The following ADAMTSL1 variants were observed in gnomAD, a reference collection of about 807,000 sequenced individuals.
The protein encoded by ADAMTSL1 is ADAMTS-like protein 1.
ADAMTSL1 carries 126 observed loss-of-function variants against 201.8 expected under a neutral mutation model. The observed-to-expected ratio is 0.62, with a 90% CI of 0.54 to 0.72. ADAMTSL1 has a LOEUF of 0.72. Among genes scored for constraint, ADAMTSL1 ranks in the 30% least tolerant of loss-of-function variants. The probability of loss-of-function intolerance (pLI) is 0.00; values close to 1 mark genes in which losing one functional copy is unlikely to be tolerated. For synonymous variants in ADAMTSL1, 1,121 were observed against 903.4 expected (o/e 1.24, Z -4.32); for missense variants, 2,679 against 2,277.8 (o/e 1.18, Z -3.59).
chr9:18,279,510 T>G lies in ADAMTSL1; in HGVS notation c.207+115529T>G, dbSNP rs113861103. 5.0e-3 allele frequency among the ~76,000 whole-genome samples: 754 copies of G among 152,070 alleles called. 7 individuals carry two copies. Among genetic ancestry groups the G allele is most frequent in the African/African-American group, 0.017 (726 of 41,506 alleles). ...TGACCTTGCTTTTGTGTCTGTTCAT[T>G]TGAAAAAGCAGGCACTTCTTCTATT... On this transcript the variant is annotated intron_variant, in intron 2 of 29. Transcript: ENST00000680146.
At chr9:18,762,314 G>A (rs866006352) in intron 16 of ADAMTSL1, among the ~76,000 whole-genome samples, 1 of 152,086 alleles carries the variant, frequency 6.6e-6, no homozygotes, top group African/African-American at 2.4e-5. Context: ...ATGCAGAGGG[G>A]TTGGAGGAGG....
chr9:18,052,114 C>G (rs1821966068), intron 1 of ADAMTSL1, among the ~76,000 whole-genome samples: 1 of 152,190 alleles, frequency 6.6e-6, no homozygotes, highest in Admixed American at 6.5e-5. Flanking sequence ...CAGTCTTCAC[C>G]TTCACCTTGT....
rs1195941941 is a variant in ADAMTSL1 at position 18,908,763 on chromosome 9, A to G, written c.*215A>G. On this transcript the variant is annotated 3_prime_UTR_variant, in exon 29 of 29. Transcript: ENST00000380548. ...GGAGGACAGGATGTTGGGAAAGGAA[A>G]GGACAGATGTCTAAAGGAGGTTGCA... 2.2e-5 allele frequency: 11 copies of G among 507,338 alleles called. No homozygotes were observed. The highest frequency in any genetic ancestry group is 2.1e-4 in the African/African-American group (11 of 51,176). The allele number at this position is 507,338 out of a possible 1,614,324, so 31.4% of individuals were successfully genotyped here.
intron 2 of ADAMTSL1, among the ~76,000 whole-genome samples, chr9:18,236,592 A>T (rs190900611): frequency 1.1e-3 from 163 of 152,314 alleles, no homozygotes; most frequent in African/African-American, 3.7e-3. Flanking sequence ...TTGGGGGAAA[A>T]TTCCATTCAG....
At chr9:18,727,418 G>A (rs1419438531) in intron 15 of ADAMTSL1, among the ~76,000 whole-genome samples, 1 of 152,250 alleles carries the variant, frequency 6.6e-6, no homozygotes, top group Non-Finnish European at 1.5e-5. Flanking sequence ...CGCCTTTGAA[G>A]AGTTAATGCT....
intron 4 of ADAMTSL1, among the ~76,000 whole-genome samples, chr9:18,577,986 C>CTTT (rs71304880): frequency 1.4e-5 from 2 of 142,390 alleles, no homozygotes; most frequent in African/African-American, 2.6e-5. Flanking sequence ...TTACTTTTCT[C>CTTT]TTTTTTTTTT....
intron 17 of ADAMTSL1, among the ~76,000 whole-genome samples, chr9:18,771,813 G>A (rs1405248668): frequency 3.4e-5 from 5 of 145,268 alleles, no homozygotes; most frequent in South Asian, 2.3e-4. Flanking sequence ...AGGGCAAAGC[G>A]GCCTGTGAAA....
chr9:18,777,913 C>A lies in ADAMTSL1; in HGVS notation c.3677+7C>A. ...AAGTTCAGTTCAGTGACAGGTGAGCCTTGTAGCTAACCTGGTCTTGGGAGG... is the reference window on the plus strand; with the variant it reads ...AAGTTCAGTTCAGTGACAGGTGAGCATTGTAGCTAACCTGGTCTTGGGAGG... On this transcript the variant is annotated splice_region_variant and intron_variant, in intron 19 of 28. Transcript: ENST00000380548. 1 of 1,531,506 alleles carries A rather than the reference C, an allele frequency of 6.5e-7. No individual in the cohort carries two copies. Among genetic ancestry groups the A allele is most frequent in the South Asian group, 1.3e-5 (1 of 77,752 alleles). 94.9% of individuals were successfully genotyped at this position (1,531,506 alleles called of 1,614,324 possible).
chr9:18,075,044 C>T (rs1322414220), intron 1 of ADAMTSL1, among the ~76,000 whole-genome samples: 2 of 151,998 alleles, frequency 1.3e-5, no homozygotes, highest in Non-Finnish European at 2.9e-5. Flanking sequence ...CCCTCTTGCC[C>T]TCCCTCACTC....
At chr9:18,307,953 G>A (rs986077130) in intron 2 of ADAMTSL1, among the ~76,000 whole-genome samples, 8 of 151,968 alleles carry the variant, frequency 5.3e-5, no homozygotes, top group Non-Finnish European at 1.2e-4. Context: ...AAGTAAAACA[G>A]TCCTCAGCAA....
chr9:17,940,637 A>G (rs1295887646), intron 1 of ADAMTSL1, among the ~76,000 whole-genome samples: 1 of 151,460 alleles, frequency 6.6e-6, no homozygotes, highest in Non-Finnish European at 1.5e-5. Flanking sequence ...GGGGGTTTGC[A>G]TTATAAATAA....
rs1463485305 is a variant in ADAMTSL1, at chr9:17,940,725, A to G, written c.87+33803A>G. 3.6e-3 allele frequency among the ~76,000 whole-genome samples: 502 copies of G among 139,994 alleles called. 3 individuals carry two copies. Among genetic ancestry groups the G allele is most frequent in the African/African-American group, 0.013 (480 of 37,712 alleles). The allele number at this position is 139,994 out of a possible 152,430, so 91.8% of individuals were successfully genotyped here. A position where few individuals can be genotyped will look rare whatever the true frequency, so the allele number is the denominator to read the frequency against. On this transcript the variant is annotated intron_variant, in intron 1 of 29. Transcript: ENST00000680146. ...GTGCATAACGTGCAAAAAAAAAAAA[A>G]AAGAAAAAAAAGAAAAAAAATGAGA...
At chr9:18,344,566 A>T (rs1020187013) in intron 2 of ADAMTSL1, among the ~76,000 whole-genome samples, 1 of 152,162 alleles carries the variant, frequency 6.6e-6, no homozygotes, top group African/African-American at 2.4e-5. Context: ...GCTCTTGTTG[A>T]TGGTAATGAT....
intron 23 of ADAMTSL1, among the ~76,000 whole-genome samples, chr9:18,876,202 C>G (rs769771698): frequency 1.1e-4 from 16 of 151,988 alleles, no homozygotes; most frequent in Non-Finnish European, 1.9e-4. Flanking sequence ...TTCCGCCATT[C>G]TCCATCTTTT....
intron 1 of ADAMTSL1, among the ~76,000 whole-genome samples, chr9:18,475,585 T>C (rs1033534046): frequency 6.6e-6 from 1 of 152,186 alleles, no homozygotes; most frequent in Non-Finnish European, 1.5e-5. Flanking sequence ...ATTTCAAGCA[T>C]GAATGAACTA....
intron 19 of ADAMTSL1, among the ~76,000 whole-genome samples, chr9:18,780,610 A>G (rs1436062462): frequency 6.6e-6 from 1 of 152,048 alleles, no homozygotes; most frequent in East Asian, 1.9e-4. Flanking sequence ...CTTCCCCCCA[A>G]TGCTCCCAGA....
At chr9:17,985,205 C>G (rs1046189246) in intron 1 of ADAMTSL1, among the ~76,000 whole-genome samples, 1 of 152,092 alleles carries the variant, frequency 6.6e-6, no homozygotes, top group East Asian at 1.9e-4. Context: ...AAAAGTTTTT[C>G]TCTTTTTTGA....
chr9:18,296,837 T>C (rs1833496846), intron 2 of ADAMTSL1, among the ~76,000 whole-genome samples: 1 of 152,160 alleles, frequency 6.6e-6, no homozygotes, highest in African/African-American at 2.4e-5. Context: ...TGGAGGTCAA[T>C]GTAATTAAGA....
intron 1 of ADAMTSL1, among the ~76,000 whole-genome samples, chr9:18,129,767 G>A (rs951930806): frequency 1.3e-5 from 2 of 152,188 alleles, no homozygotes; most frequent in Non-Finnish European, 2.9e-5. Context: ...GTAACGCTGA[G>A]AGTCAGAACT....
Sources: allele counts gnomAD v4.1 joint callset (sites outside exome capture counted in the v4.1 genomes callset), GRCh38; gene constraint gnomAD v4.1.1; transcripts MANE v1.5; gene names NCBI Gene and HGNC (gene_info 2026-07-23, HGNC 2026-07-21).